The following DCAF17 variants were observed in gnomAD, a reference collection of about 807,000 sequenced individuals.
DCAF17 encodes the protein DDB1- and CUL4-associated factor 17.
In DCAF17, 48 loss-of-function variants were observed where a neutral mutation model predicts 66.0. That is an observed-to-expected ratio of 0.73 (90% CI 0.58 to 0.92). The LOEUF is 0.92. Ranked by LOEUF, DCAF17 falls within the 40% of genes least tolerant of loss-of-function variation. The pLI, the probability that DCAF17 is intolerant of heterozygous loss-of-function variation, is 0.00. For synonymous variants in DCAF17, 206 were observed against 214.6 expected (o/e 0.96, Z 0.35); for missense variants, 562 against 622.8 (o/e 0.90, Z 1.04).
At chr2:171,456,701 C>T (rs1695280950) in intron 6 of DCAF17, among the ~76,000 whole-genome samples, 1 of 151,746 alleles carries the variant, frequency 6.6e-6, no homozygotes, top group Admixed American at 6.6e-5. Context: ...TTCACTTCCT[C>T]TGTTAGCTGT....
chr2:171,460,344 G>T (rs1443264136), intron 8 of DCAF17, among the ~76,000 whole-genome samples: 2 of 149,302 alleles, frequency 1.3e-5, no homozygotes, highest in South Asian at 4.2e-4. Flanking sequence ...AAAAAAAAGT[G>T]AGTAAAACAA....
chr2:171,449,914 C>T lies in DCAF17; in HGVS notation c.494C>T (p.Ala165Val). ...LSWDTPQEVI[A>V]VKSAQNRGSA... ...TGGGACACTCCTCAAGAAGTCATTGCAGTTAAGTCAGCTCAGAACAGAGGC... is the reference window on the plus strand; with the variant it reads ...TGGGACACTCCTCAAGAAGTCATTGTAGTTAAGTCAGCTCAGAACAGAGGC... Residue 165 changes from alanine to valine, a missense_variant, in exon 5 of 14, where the codon GCA becomes GTA. Ala to Val is a moderately conservative substitution (Grantham distance 64). Around this residue, in one of 3 missense-constraint regions of DCAF17, gnomAD observed 348 missense variants for 355.9 expected, o/e 0.98. Coordinates refer to ENST00000375255, the MANE Select transcript of DCAF17 (RefSeq NM_025000.4). 6.2e-7 allele frequency: 1 copy of T among 1,613,696 alleles called. No individual in the cohort carries two copies.
intron 8 of DCAF17, among the ~76,000 whole-genome samples, chr2:171,467,867 C>G (rs933971223): frequency 1.3e-5 from 2 of 151,734 alleles, no homozygotes; most frequent in Non-Finnish European, 2.9e-5. Context: ...AGTACATTGT[C>G]CTTATGAAGA....
chr2:171,482,544 A>G lies in DCAF17; in HGVS notation c.*1430A>G. The G allele has an allele frequency of 4.4e-6, 2 of 454,128 alleles. No homozygotes were observed. The highest frequency in any genetic ancestry group is 8.8e-6 in the Non-Finnish European group (2 of 226,788). 28.1% of individuals were successfully genotyped at this position (454,128 alleles called of 1,614,324 possible). A position where few individuals can be genotyped will look rare whatever the true frequency, so the allele number is the denominator to read the frequency against. Reference sequence around the variant, plus strand: ...AGTAAGAGGCCAGTGAAAGTACTAAAGAAAGAAACCAATGTTGTGTGAGTT... The same window carrying G: ...AGTAAGAGGCCAGTGAAAGTACTAAGGAAAGAAACCAATGTTGTGTGAGTT... On this transcript the variant is annotated 3_prime_UTR_variant, in exon 14 of 14. Transcript: ENST00000375255.
chr2:171,446,023 C>T (rs2105743546), intron 3 of DCAF17, among the ~76,000 whole-genome samples: 1 of 152,000 alleles, frequency 6.6e-6, no homozygotes, highest in South Asian at 2.1e-4. Flanking sequence ...TTAGATAAGA[C>T]GTTGTAGAAT....
intron 12 of DCAF17, among the ~76,000 whole-genome samples, chr2:171,479,249 G>C (rs778276293): frequency 4.6e-5 from 7 of 152,224 alleles, no homozygotes; most frequent in Non-Finnish European, 8.8e-5. Context: ...AGTGCATAGT[G>C]ATTGAGGGAA....
chr2:171,463,841 A>T (rs1045881621), intron 8 of DCAF17, among the ~76,000 whole-genome samples: 5 of 152,228 alleles, frequency 3.3e-5, no homozygotes, highest in African/African-American at 1.2e-4. Flanking sequence ...TCAGCTAGAG[A>T]TAAACTGTAT....
At chr2:171,451,820 G>C (rs1162782377) in intron 5 of DCAF17, among the ~76,000 whole-genome samples, 2 of 152,056 alleles carry the variant, frequency 1.3e-5, no homozygotes, top group African/African-American at 2.4e-5. Flanking sequence ...CCAAAGTCCT[G>C]GGATTTACAG....
rs1357946245 is a variant in DCAF17 at position 171,472,326 on chromosome 2, C to A, written c.982-1540C>A. Reference sequence around the variant, plus strand: ...TCCTGAGTAGCTGGGATTACAGGCACACACCACCATGCCCACTAATTTTTG... The same window carrying A: ...TCCTGAGTAGCTGGGATTACAGGCAAACACCACCATGCCCACTAATTTTTG... On this transcript the variant is annotated intron_variant, in intron 9 of 13. Coordinates refer to ENST00000375255, the MANE Select transcript of DCAF17 (RefSeq NM_025000.4). Among the ~76,000 whole-genome samples the A allele has an allele frequency of 2.0e-5, 3 of 152,000 alleles. No homozygotes were observed. The East Asian group carries it at 5.9e-4, about 30-fold the overall frequency.
chr2:171,455,058 T>G (rs1695175266), intron 6 of DCAF17, among the ~76,000 whole-genome samples: 1 of 152,074 alleles, frequency 6.6e-6, no homozygotes, highest in South Asian at 2.1e-4. Context: ...GGGGGTTTGT[T>G]GTACAGATTA....
At chr2:171,450,080 CG>C (rs1313684012) in intron 5 of DCAF17, 123 bp downstream of exon 5, 5 of 824,606 alleles carry the variant, frequency 6.1e-6, no homozygotes, top group Non-Finnish European at 1.0e-5. Context: ...ATAGGATTCA[CG>C]GCAACCTGGA....
intron 8 of DCAF17, among the ~76,000 whole-genome samples, chr2:171,467,245 G>A (rs941665138): frequency 2.2e-4 from 33 of 151,808 alleles, no homozygotes; most frequent in Non-Finnish European, 1.6e-4. Context: ...CAGATGAACC[G>A]CATAGCCTAG....
At chr2:171,475,093 C>G (rs1423064100) in intron 10 of DCAF17, among the ~76,000 whole-genome samples, 1 of 152,204 alleles carries the variant, frequency 6.6e-6, no homozygotes, top group Non-Finnish European at 1.5e-5. Flanking sequence ...TCCTTCAACT[C>G]AGTTTACTCT....
chr2:171,455,028 T>G (rs1181174196), intron 6 of DCAF17, among the ~76,000 whole-genome samples: 1 of 152,088 alleles, frequency 6.6e-6, no homozygotes, highest in Non-Finnish European at 1.5e-5. Context: ...AGGTTTGTTA[T>G]ATAGATAAAC....
At chr2:171,437,441 T>C (rs1694039576) in intron 2 of DCAF17, among the ~76,000 whole-genome samples, 1 of 152,386 alleles carries the variant, frequency 6.6e-6, no homozygotes, top group Admixed American at 6.5e-5. Context: ...TCTGTTCCAC[T>C]GATCTGTATG....
intron 8 of DCAF17, among the ~76,000 whole-genome samples, chr2:171,466,144 G>A (rs924451168): frequency 8.6e-5 from 13 of 151,894 alleles, no homozygotes; most frequent in African/African-American, 1.9e-4. Flanking sequence ...GATTACAGGC[G>A]TGAGCCACCA....
chr2:171,435,563 T>TA (rs1491306365), intron 2 of DCAF17, among the ~76,000 whole-genome samples: 3 of 147,976 alleles, frequency 2.0e-5, no homozygotes, highest in African/African-American at 7.5e-5. Context: ...TTTTTTTTTT[T>TA]AGAGAAATTT....
intron 9 of DCAF17, among the ~76,000 whole-genome samples, chr2:171,469,761 G>A (rs1044600960): frequency 1.3e-5 from 2 of 152,100 alleles, no homozygotes; most frequent in African/African-American, 4.8e-5. Flanking sequence ...AGTGAGTTAA[G>A]GGGGGAGTTC....
At chr2:171,466,892 C>T (rs1446333713) in intron 8 of DCAF17, among the ~76,000 whole-genome samples, 2 of 151,902 alleles carry the variant, frequency 1.3e-5, no homozygotes, top group East Asian at 1.9e-4. Context: ...CTTCTTCATC[C>T]ACCATATCAT....
Sources: gnomAD v4.1 joint callset for allele counts (sites outside exome capture counted in the v4.1 genomes callset) on GRCh38, gnomAD v4.1.1 for gene constraint, gnomAD v4.1.1 regional missense constraint, MANE v1.5 for transcripts, NCBI Gene and HGNC (gene_info 2026-07-23, HGNC 2026-07-21) for gene names.